The following MTHFD1L variants were observed in gnomAD, a reference collection of about 807,000 sequenced individuals.
The protein encoded by MTHFD1L is monofunctional C1-tetrahydrofolate synthase, mitochondrial.
Under a neutral mutation model 119.5 loss-of-function variants are expected in MTHFD1L, and 81 were observed. That is an observed-to-expected ratio of 0.68 (90% CI 0.57 to 0.82). The LOEUF is 0.82. Ranked by LOEUF, MTHFD1L falls within the 40% of genes least tolerant of loss-of-function variation. The pLI is 0.00. For synonymous variants in MTHFD1L, 430 were observed against 475.2 expected, an observed-to-expected ratio of 0.90 and a Z score of 1.24; for missense variants, 1,125 against 1,253.4, an observed-to-expected ratio of 0.90 and a Z score of 1.55.
chr6:151,098,241 A>G (rs1795053366), intron 27 of MTHFD1L, among the ~76,000 whole-genome samples: 1 of 152,184 alleles, frequency 6.6e-6, no homozygotes, highest in Non-Finnish European at 1.5e-5. Context: ...TTTAATAACC[A>G]TAAATTAATC....
chr6:151,001,657 G>T (rs1004410935), intron 20 of MTHFD1L, among the ~76,000 whole-genome samples: 1 of 152,160 alleles, frequency 6.6e-6, no homozygotes, highest in Admixed American at 6.5e-5. Context: ...CTGGGAGTGG[G>T]TAAAATACCT....
intron 26 of MTHFD1L, among the ~76,000 whole-genome samples, chr6:151,063,050 GAA>G (rs1245142313): frequency 6.6e-6 from 1 of 151,976 alleles, no homozygotes; most frequent in East Asian, 1.9e-4. Context: ...AAAAATTAAA[GAA>G]AAGAGATCCA....
In MTHFD1L at chr6:150,965,044, G is replaced by A; in HGVS notation, c.2013+7G>A. 1 of 1,612,902 alleles carries A rather than the reference G, an allele frequency of 6.2e-7. No individual in the cohort carries two copies. The highest frequency in any genetic ancestry group is 8.5e-7 in the Non-Finnish European group (1 of 1,179,000). On this transcript the variant is annotated splice_region_variant and intron_variant, in intron 19 of 27. Coordinates refer to ENST00000367321, the MANE Select transcript of MTHFD1L (RefSeq NM_015440.5). ...CCTGATGCAGACCCTGGAAGTAAGTGGTTTTCTTCTTATAGTAATTGTTTG... is the reference window on the plus strand; with the variant it reads ...CCTGATGCAGACCCTGGAAGTAAGTAGTTTTCTTCTTATAGTAATTGTTTG...
intron 4 of MTHFD1L, among the ~76,000 whole-genome samples, chr6:150,881,558 C>T (rs917323144): frequency 5.3e-5 from 8 of 152,122 alleles, no homozygotes; most frequent in African/African-American, 1.9e-4. Context: ...ATAGTTTCCT[C>T]GCTTCATTCT....
chr6:151,073,744 GTTAAC>G (rs1475459850), intron 26 of MTHFD1L, among the ~76,000 whole-genome samples: 1 of 151,788 alleles, frequency 6.6e-6, no homozygotes, highest in Non-Finnish European at 1.5e-5. Flanking sequence ...GAAAAGCCTA[GTTAAC>G]TTAAAGACAT....
intron 14 of MTHFD1L, among the ~76,000 whole-genome samples, chr6:150,945,076 T>C (rs76971201): frequency 1.1e-4 from 17 of 152,368 alleles, no homozygotes; most frequent in Admixed American, 3.3e-4. Flanking sequence ...CACCAGAAGC[T>C]AATTCCTCAC....
intron 10 of MTHFD1L, among the ~76,000 whole-genome samples, chr6:150,923,537 A>ATTTT (rs1231382945): frequency 1.1e-5 from 1 of 95,204 alleles, no homozygotes; most frequent in African/African-American, 5.1e-5. Context: ...TTATTTATTT[A>ATTTT]TTTTTTCTTT....
At position 151,024,808 on chromosome 6, in the gene MTHFD1L, G is replaced by A. The variant is rs376428320; in HGVS notation, c.2586+9115G>A. Among the ~76,000 whole-genome samples, 6 of 152,212 alleles carry A rather than the reference G, an allele frequency of 3.9e-5. No homozygotes were observed. The South Asian group carries it at 1.0e-3, about 26-fold the overall frequency. On this transcript the variant is annotated intron_variant, in intron 24 of 27. Transcript: ENST00000367321. ...CATGCCACTACACACCATCATGCCC[G>A]GCCTGTTTTTTTTGTGTGTGTTTGT... is the stretch of plus-strand genomic sequence containing the variant.
At chr6:151,047,684 G>A (rs1173813576) in intron 26 of MTHFD1L, among the ~76,000 whole-genome samples, 4 of 152,140 alleles carry the variant, frequency 2.6e-5, no homozygotes, top group Admixed American at 6.5e-5. Flanking sequence ...ATATGTTGTA[G>A]AGTGTAGGAC....
intron 15 of MTHFD1L, among the ~76,000 whole-genome samples, chr6:150,946,525 T>G (rs1220135700): frequency 6.6e-6 from 1 of 152,224 alleles, no homozygotes. Flanking sequence ...ACCTGTCTTA[T>G]CTTTTTTCTG....
intron 10 of MTHFD1L, among the ~76,000 whole-genome samples, chr6:150,923,491 T>C (rs1033019800): frequency 6.7e-6 from 1 of 148,280 alleles, no homozygotes; most frequent in Non-Finnish European, 1.5e-5. Context: ...GGAGATAAAA[T>C]CCCTCTAGTA....
chr6:150,933,654 C>T (rs114266670), intron 11 of MTHFD1L, among the ~76,000 whole-genome samples: 3 of 152,164 alleles, frequency 2.0e-5, no homozygotes, highest in African/African-American at 7.2e-5. Context: ...CTGAATCCAC[C>T]GACCACTCTC....
rs906374973 is a variant in MTHFD1L at position 150,881,028 on chromosome 6, A to T, written c.418-1734A>T. On this transcript the variant is annotated intron_variant, in intron 4 of 27. Coordinates refer to ENST00000367321, the MANE Select transcript of MTHFD1L (RefSeq NM_015440.5). ...GCATACTTTGCAAATATTTTCTCCC[A>T]TTCTGTAGGTTGTCTCTGCTTTGTT... 2.6e-5 allele frequency among the ~76,000 whole-genome samples: 4 copies of T among 152,188 alleles called. No homozygotes were observed. In the East Asian group the frequency reaches 7.7e-4, roughly 29 times the overall value.
intron 11 of MTHFD1L, among the ~76,000 whole-genome samples, chr6:150,927,084 T>C (rs1211475043): frequency 6.6e-6 from 1 of 152,216 alleles, no homozygotes; most frequent in Non-Finnish European, 1.5e-5. Flanking sequence ...TTTCTTGTAA[T>C]TGGAATTGAC....
chr6:150,962,909 CTTTTCTTTTTTT>C (rs1796644653), intron 18 of MTHFD1L, among the ~76,000 whole-genome samples: 2 of 128,276 alleles, frequency 1.6e-5, no homozygotes, highest in African/African-American at 3.1e-5. Flanking sequence ...TTTTTCTTTT[CTTTTCTTTTTTT>C]TTTTTTTTTT....
At chr6:151,012,092 C>T (rs549033726) in intron 21 of MTHFD1L, among the ~76,000 whole-genome samples, 1 of 148,838 alleles carries the variant, frequency 6.7e-6, no homozygotes, top group African/African-American at 2.5e-5. Flanking sequence ...AGGCATCCCT[C>T]TCCTGGGCTC....
chr6:150,927,824 G>A (rs1230789814), intron 11 of MTHFD1L, among the ~76,000 whole-genome samples: 1 of 151,924 alleles, frequency 6.6e-6, no homozygotes, highest in African/African-American at 2.4e-5. Context: ...CCAGGATGAG[G>A]GTGGAGATCC....
chr6:151,004,026 A>AAAAAAG (rs1554277198), intron 20 of MTHFD1L, among the ~76,000 whole-genome samples: 1 of 142,504 alleles, frequency 7.0e-6, no homozygotes, highest in African/African-American at 2.9e-5. Context: ...AAAAAAAAAA[A>AAAAAAG]AGAGAGAGAG....
At chr6:151,004,368 T>C (rs1169445461) in intron 20 of MTHFD1L, among the ~76,000 whole-genome samples, 1 of 152,176 alleles carries the variant, frequency 6.6e-6, no homozygotes, top group Non-Finnish European at 1.5e-5. Flanking sequence ...GCTGCAGCTT[T>C]CTTTAATGTG....
Sources: gnomAD v4.1 joint callset for allele counts (sites outside exome capture counted in the v4.1 genomes callset) on GRCh38, gnomAD v4.1.1 for gene constraint, MANE v1.5 for transcripts, NCBI Gene and HGNC (gene_info 2026-07-23, HGNC 2026-07-21) for gene names.